The following MPRIP variants were observed in gnomAD, a reference collection of about 807,000 sequenced individuals.
MPRIP encodes myosin phosphatase Rho-interacting protein.
In MPRIP, 59 loss-of-function variants were observed where a neutral mutation model predicts 234.9. The observed-to-expected ratio is 0.25, with a 90% CI of 0.20 to 0.31. The LOEUF (loss-of-function observed/expected upper bound fraction) is 0.31. Ranked by LOEUF, MPRIP falls within the 10% of genes least tolerant of loss-of-function variation. The pLI is 1.00. For missense variants in MPRIP, 2,436 were observed against 3,071.0 expected (o/e 0.79, Z 4.89); for synonymous variants, 1,144 against 1,263.9 (o/e 0.91, Z 2.01).
intron 3 of MPRIP, among the ~76,000 whole-genome samples, chr17:17,085,436 G>A (rs767195056): frequency 1.5e-4 from 23 of 152,206 alleles, no homozygotes; most frequent in Non-Finnish European, 2.5e-4. Flanking sequence ...TCGCATTCCC[G>A]CGGGGTCCCT....
In MPRIP at chr17:17,079,175, T is replaced by C. The variant is rs560150264; in HGVS notation, c.267+1099T>C. ...GAGTCCTAACCTTTGTGATGTGATA[T>C]GTTTTCTACTTTTGTTTCTGGGGTG... On this transcript the variant is annotated intron_variant, in intron 3 of 23. Coordinates refer to ENST00000651222, the MANE Select transcript of MPRIP (RefSeq NM_001364716.4). 7.9e-5 allele frequency among the ~76,000 whole-genome samples: 12 copies of C among 152,320 alleles called. No homozygotes were observed. The East Asian group carries it at 2.3e-3, about 29-fold the overall frequency.
intron 3 of MPRIP, among the ~76,000 whole-genome samples, chr17:17,113,450 C>T (rs2090213587): frequency 6.6e-6 from 1 of 152,210 alleles, no homozygotes; most frequent in South Asian, 2.1e-4. Context: ...CAAGATTCAT[C>T]CATAGTATAG....
At chr17:17,057,670 C>T (rs1387591536) in intron 1 of MPRIP, 1 of 718,044 alleles carries the variant, frequency 1.4e-6, no homozygotes, top group African/African-American at 1.7e-5. Flanking sequence ...AAACGTGGAG[C>T]TCACATATAT....
At chr17:17,070,713 A>C (rs1176883270) in intron 1 of MPRIP, among the ~76,000 whole-genome samples, 2 of 152,206 alleles carry the variant, frequency 1.3e-5, no homozygotes, top group African/African-American at 4.8e-5. Flanking sequence ...TAAATGTGGG[A>C]TAATTCTAGC....
chr17:17,136,808 A>C (rs1170088281), intron 6 of MPRIP, among the ~76,000 whole-genome samples: 3 of 152,104 alleles, frequency 2.0e-5, no homozygotes, highest in Non-Finnish European at 4.4e-5. Flanking sequence ...ATCCTGCCCC[A>C]AGAAGCTGCA....
rs745439092 is a variant in MPRIP at position 17,142,757 on chromosome 17, A to C, written c.1381A>C (p.Arg461=). ...QGRSEKRAFP[R]KRDFTNEAPP... is the part of the protein sequence containing the mutation. ...CCGCAGCGAGAAGAGGGCGTTCCCTAGGAAGCGGGTGAGCTCCTGGGGCTG... is the reference window on the plus strand; with the variant it reads ...CCGCAGCGAGAAGAGGGCGTTCCCTCGGAAGCGGGTGAGCTCCTGGGGCTG... The change falls in exon 8 of 24, where the codon AGG becomes CGG. Residue 461 remains arginine, a synonymous_variant. Coordinates refer to ENST00000651222, the MANE Select transcript of MPRIP (RefSeq NM_001364716.4). The C allele has an allele frequency of 3.1e-6, 5 of 1,612,274 alleles. No individual in the cohort carries two copies. The African/African-American group carries it at 5.3e-5, about 17-fold the overall frequency.
At chr17:17,174,760 G>A (rs967228083) in intron 19 of MPRIP, among the ~76,000 whole-genome samples, 1 of 151,500 alleles carries the variant, frequency 6.6e-6, no homozygotes, top group Non-Finnish European at 1.5e-5. Context: ...GTGTGAACTC[G>A]GGAGGCGGAG....
At chr17:17,057,589 C>T (rs780585407) in intron 1 of MPRIP, 83 of 717,786 alleles carry the variant, frequency 1.2e-4, no homozygotes, top group Middle Eastern at 9.1e-4. Context: ...GCCTTTGCTA[C>T]GCTGTTCATC....
chr17:17,062,958 G>A (rs1285510950), intron 1 of MPRIP, among the ~76,000 whole-genome samples: 1 of 152,234 alleles, frequency 6.6e-6, no homozygotes, highest in Non-Finnish European at 1.5e-5. Flanking sequence ...GTCCTTGGTG[G>A]CATAGTGCAC....
Position 17,166,223 on chromosome 17 carries a change from G to A in MPRIP, c.4632G>A (p.Lys1544=), listed in dbSNP as rs1269725637. The change falls in exon 16 of 24, where the codon AAG becomes AAA. Residue 1544 remains lysine (K), a synonymous_variant. Transcript: ENST00000651222. This position sits in a 1 kb window ranked among gnomAD's most constrained non-coding sequence, Gnocchi z 4.4. ...CAGGTGGCACCGAGGAGAATGGGAA[G>A]CCTGCCTCCCTGCAGCAGTGCTCCC... is the stretch of plus-strand genomic sequence containing the variant. ...LETGGTEENG[K]PASLQQCSQS... The A allele has an allele frequency of 1.5e-6, 2 of 1,303,380 alleles. No individual in the cohort carries two copies. Among genetic ancestry groups the A allele is most frequent in the Admixed American group, 2.3e-5 (1 of 43,502 alleles). 80.7% of individuals were successfully genotyped at this position (1,303,380 alleles called of 1,614,324 possible). A position where few individuals can be genotyped will look rare whatever the true frequency, so the allele number is the denominator to read the frequency against.
At chr17:17,131,204 C>T (rs147230307) in intron 4 of MPRIP, among the ~76,000 whole-genome samples, 41 of 152,276 alleles carry the variant, frequency 2.7e-4, no homozygotes, top group Non-Finnish European at 5.3e-4. Context: ...ATTGTGGGAA[C>T]TTGACCAGCA....
At chr17:17,063,053 T>TA (rs2088914314) in intron 1 of MPRIP, among the ~76,000 whole-genome samples, 1 of 152,250 alleles carries the variant, frequency 6.6e-6, no homozygotes, top group Non-Finnish European at 1.5e-5. Context: ...CCCTGGCTTG[T>TA]GTCTACTTGC....
intron 1 of MPRIP, among the ~76,000 whole-genome samples, chr17:17,053,879 TTG>T (rs1220541910): frequency 6.6e-6 from 1 of 152,206 alleles, no homozygotes; most frequent in Non-Finnish European, 1.5e-5. Flanking sequence ...TCAGTTTGCC[TTG>T]TGTGTGTTTG....
Position 17,180,040 on chromosome 17 carries a change from G to T in MPRIP, c.7158G>T (p.Lys2386Asn). Residue 2386 changes from lysine to asparagine, a missense_variant, in exon 23 of 24, where the codon AAG becomes AAT. By Grantham distance (94) the Lys-to-Asn change is moderately conservative. Transcript: ENST00000651222. The stretch of plus-strand genomic sequence containing the variant: ...CTAAAAGCAACCCTGACTTCTTGAA[G>T]AAAGACAGATCCTGTGTCACCCGGC... ...MKSKSNPDFLKKDRSCVTRQL... is the reference protein window; with the variant it reads ...MKSKSNPDFLNKDRSCVTRQL... The T allele has an allele frequency of 6.3e-7, 1 of 1,595,652 alleles. No individual in the cohort carries two copies. Among genetic ancestry groups the T allele is most frequent in the Non-Finnish European group, 8.5e-7 (1 of 1,174,946 alleles).
At chr17:17,043,131 A>C (rs1025019975) in intron 1 of MPRIP, among the ~76,000 whole-genome samples, 160 bp downstream of exon 1, 2 of 152,164 alleles carry the variant, frequency 1.3e-5, no homozygotes, top group African/African-American at 4.8e-5. Flanking sequence ...CAGAGCTGGG[A>C]CAAAGGGAAA....
chr17:17,161,027 TA>T (rs1024936860), intron 14 of MPRIP, among the ~76,000 whole-genome samples: 97 of 152,304 alleles, frequency 6.4e-4, no homozygotes, highest in African/African-American at 2.0e-3. Flanking sequence ...TTGGTGCCCA[TA>T]AGGTACCAAG....
intron 3 of MPRIP, among the ~76,000 whole-genome samples, chr17:17,085,407 C>T (rs371164691): frequency 1.3e-5 from 2 of 152,196 alleles, no homozygotes; most frequent in South Asian, 2.1e-4. Flanking sequence ...AGGTAGCCCC[C>T]GCAGGCCCTC....
chr17:17,172,637 C>T (rs2046165476), intron 17 of MPRIP, 61 bp from the exon 18 acceptor site: 1 of 1,387,440 alleles, frequency 7.2e-7, no homozygotes, highest in Non-Finnish European at 1.0e-6. Flanking sequence ...CTCCCCACCC[C>T]CACCCCTGTC....
intron 9 of MPRIP, 97 bp downstream of exon 9, chr17:17,143,766 T>G: frequency 1.4e-6 from 1 of 727,884 alleles, no homozygotes; most frequent in Non-Finnish European, 2.1e-6. Flanking sequence ...ATGCCAGCTG[T>G]CCCTCTGTGC....
Sources: gnomAD v4.1 joint callset for allele counts (sites outside exome capture counted in the v4.1 genomes callset) on GRCh38, gnomAD v4.1.1 for gene constraint, Gnocchi (gnomAD v3.1) non-coding constraint, MANE v1.5 for transcripts, NCBI Gene and HGNC (gene_info 2026-07-23, HGNC 2026-07-21) for gene names.